Variants in RFPL1 observed in about 807,000 individuals in gnomAD.
The protein encoded by RFPL1 is ret finger protein-like 1.
In RFPL1, 6 loss-of-function variants were observed where a neutral mutation model predicts 9.6. The ratio of observed to expected loss-of-function variants is 0.62; its 90% CI spans 0.34 to 1.23. The LOEUF (loss-of-function observed/expected upper bound fraction) is 1.23. RFPL1 is among the 50% of genes most tolerant of loss of function. RFPL1 has a pLI of 0.03. For synonymous variants in RFPL1, 145 were observed against 149.4 expected, an observed-to-expected ratio of 0.97 and a Z score of 0.22; for missense variants, 352 against 398.4, an observed-to-expected ratio of 0.88 and a Z score of 0.99.
the RFPL1 span, among the ~76,000 whole-genome samples, chr22:29,411,582 C>T: frequency 4.0e-5 from 6 of 151,178 alleles, no homozygotes; most frequent in African/African-American, 1.5e-4. Context: ...ATCTCAGCCA[C>T]TTTTACCTTA....
the RFPL1 span, among the ~76,000 whole-genome samples, chr22:29,410,504 TAG>T: frequency 9.7e-5 from 11 of 113,852 alleles, no homozygotes; most frequent in Admixed American, 3.9e-4. Flanking sequence ...TATCTATATA[TAG>T]AGAGATATAT....
upstream of RFPL1, chr22:29,434,714 A>T (rs139158165): frequency 9.7e-5 from 15 of 153,858 alleles, no homozygotes; most frequent in Non-Finnish European, 2.0e-4. Context: ...GACTGTGGGT[A>T]TGAGGAAAGA....
the RFPL1 span, among the ~76,000 whole-genome samples, chr22:29,415,268 C>G: frequency 6.6e-6 from 1 of 152,146 alleles, no homozygotes; most frequent in Non-Finnish European, 1.5e-5. Context: ...AAACCAAAAC[C>G]AAAGTGCCGA....
chr22:29,388,768 C>T, the RFPL1 span, among the ~76,000 whole-genome samples: 1 of 152,250 alleles, frequency 6.6e-6, no homozygotes, highest in Admixed American at 6.5e-5. Context: ...GCCAATTCAG[C>T]GTGAGGGGGC....
chr22:29,411,340 C>T, the RFPL1 span, among the ~76,000 whole-genome samples: 1 of 152,030 alleles, frequency 6.6e-6, no homozygotes, highest in African/African-American at 2.4e-5. Context: ...CTGCTGAGAG[C>T]CAGGATATGA....
rs753907886 is a variant in RFPL1, at chr22:29,441,805, C to T, written c.637C>T (p.Arg213Cys). The change falls in exon 2 of 2, where the codon CGT becomes TGT. Residue 213 changes from arginine to cysteine, a missense_variant. Physicochemically the swap from Arg to Cys is radical, Grantham distance 180 (BLOSUM62 -3). Transcript: ENST00000354373. ...AGGGAGGATCCATCTGACCACAGAG[C>T]GTGGATTCTGGACTGTGAGTTTGAG... The T allele has an allele frequency of 4.4e-5, 71 of 1,613,782 alleles. No individual in the cohort carries two copies. The highest frequency in any genetic ancestry group is 1.3e-4 in the Admixed American group (8 of 59,976).
chr22:29,390,324 A>G, the RFPL1 span, among the ~76,000 whole-genome samples: 125 of 152,250 alleles, frequency 8.2e-4, no homozygotes, highest in Non-Finnish European at 1.5e-3. Flanking sequence ...TCTACGTCCT[A>G]TCTAATATAG....
chr22:29,400,273 G>C, the RFPL1 span, among the ~76,000 whole-genome samples: 1 of 152,148 alleles, frequency 6.6e-6, no homozygotes, highest in Non-Finnish European at 1.5e-5. Flanking sequence ...TGGGATTACA[G>C]GTGTGAGCCA....
the RFPL1 span, among the ~76,000 whole-genome samples, chr22:29,432,158 A>G: frequency 6.6e-6 from 1 of 152,354 alleles, no homozygotes; most frequent in African/African-American, 2.4e-5. Flanking sequence ...TTTGCAAGAC[A>G]TTAAGGGCTC....
At chr22:29,410,585 A>C in the RFPL1 span, among the ~76,000 whole-genome samples, 8 of 133,702 alleles carry the variant, frequency 6.0e-5, no homozygotes, top group South Asian at 1.3e-3. Flanking sequence ...AGATATATCT[A>C]TCTATATATA....
the RFPL1 span, among the ~76,000 whole-genome samples, chr22:29,405,182 C>A: frequency 6.6e-6 from 1 of 152,112 alleles, no homozygotes; most frequent in Non-Finnish European, 1.5e-5. Context: ...AGTCTGAGAA[C>A]TGAGAGGGAA....
the RFPL1 span, among the ~76,000 whole-genome samples, chr22:29,421,446 C>G: frequency 4.6e-5 from 7 of 151,328 alleles, no homozygotes; most frequent in Non-Finnish European, 8.9e-5. Flanking sequence ...AAACAAACAA[C>G]AAAACCCACC....
chr22:29,402,593 A>G, the RFPL1 span, among the ~76,000 whole-genome samples: 2 of 152,022 alleles, frequency 1.3e-5, no homozygotes, highest in Non-Finnish European at 2.9e-5. Flanking sequence ...AGGAGTTGCT[A>G]TGGTCAAGTT....
chr22:29,397,589 T>A, the RFPL1 span, among the ~76,000 whole-genome samples: 1 of 152,186 alleles, frequency 6.6e-6, no homozygotes, highest in Non-Finnish European at 1.5e-5. Flanking sequence ...AAACCAGATC[T>A]TCTGTATCAA....
chr22:29,432,834 G>A, the RFPL1 span: 1 of 152,184 alleles, frequency 6.6e-6, no homozygotes, highest in Non-Finnish European at 1.5e-5. Context: ...ATTGTTTATA[G>A]CAGGCACTGA....
At chr22:29,412,182 T>C in the RFPL1 span, among the ~76,000 whole-genome samples, 1 of 152,148 alleles carries the variant, frequency 6.6e-6, no homozygotes, top group African/African-American at 2.4e-5. Flanking sequence ...CACGAGTCAG[T>C]AGGGATGGAC....
At chr22:29,414,561 A>G in the RFPL1 span, among the ~76,000 whole-genome samples, 2 of 152,176 alleles carry the variant, frequency 1.3e-5, no homozygotes, top group African/African-American at 4.8e-5. Context: ...TGCTTCTACA[A>G]GAGTTTTCCT....
chr22:29,410,303 T>G, the RFPL1 span, among the ~76,000 whole-genome samples: 3 of 101,610 alleles, frequency 3.0e-5, no homozygotes, highest in South Asian at 3.6e-4. Context: ...TGTAGATATA[T>G]ATCTATATAT....
At chr22:29,410,373 TATATATATAG>T in the RFPL1 span, among the ~76,000 whole-genome samples, 1 of 30,784 alleles carries the variant, frequency 3.2e-5, no homozygotes, top group African/African-American at 2.3e-4. Context: ...TATATATATC[TATATATATAG>T]ATATATATAT....
Sources: gnomAD v4.1 joint callset for allele counts (sites outside exome capture counted in the v4.1 genomes callset) on GRCh38, gnomAD v4.1.1 for gene constraint, MANE v1.5 for transcripts, NCBI Gene and HGNC (gene_info 2026-07-23, HGNC 2026-07-21) for gene names.